Variants in USP24 observed in about 807,000 individuals in gnomAD.
The protein encoded by USP24 is ubiquitin specific peptidase 24, also known as ubiquitin carboxyl-terminal hydrolase 24.
Under a neutral mutation model 361.6 loss-of-function variants are expected in USP24, and 97 were observed. That is an observed-to-expected ratio of 0.27 (90% CI 0.23 to 0.32). The LOEUF (loss-of-function observed/expected upper bound fraction) is 0.32. Ranked by LOEUF, USP24 falls within the 10% of genes least tolerant of loss-of-function variation. The pLI, the probability that USP24 is intolerant of heterozygous loss-of-function variation, is 1.00. For synonymous variants in USP24, 1,098 were observed against 1,124.6 expected (o/e 0.98, Z 0.47); for missense variants, 2,353 against 3,165.6 (o/e 0.74, Z 6.16).
chr1:55,163,362 C>T (rs2100772227), intron 7 of USP24, among the ~76,000 whole-genome samples: 1 of 151,798 alleles, frequency 6.6e-6, no homozygotes, highest in Admixed American at 6.6e-5. Flanking sequence ...AAAAGATTTA[C>T]AAATATGCAA....
intron 36 of USP24, among the ~76,000 whole-genome samples, chr1:55,122,407 G>GTCCACCCCCTT (rs1646308298): frequency 6.6e-6 from 1 of 152,120 alleles, no homozygotes; most frequent in Admixed American, 6.5e-5. Flanking sequence ...AGTATCAAGT[G>GTCCACCCCCTT]GTACACAGTG....
At chr1:55,191,014 T>C (rs1644271326) in intron 1 of USP24, among the ~76,000 whole-genome samples, 1 of 152,220 alleles carries the variant, frequency 6.6e-6, no homozygotes, top group Admixed American at 6.5e-5. Flanking sequence ...AAAATAATTT[T>C]TATAAAATAT....
chr1:55,086,538 C>T (rs1052200941), intron 55 of USP24: 1 of 156,714 alleles, frequency 6.4e-6, no homozygotes, highest in Admixed American at 6.2e-5. Flanking sequence ...CTCACTGGAT[C>T]CTGATTTGTG....
At chr1:55,203,474 A>C (rs1644629617) in intron 1 of USP24, among the ~76,000 whole-genome samples, 1 of 152,218 alleles carries the variant, frequency 6.6e-6, no homozygotes, top group African/African-American at 2.4e-5. Flanking sequence ...TAAAGTTTCA[A>C]CTGCTAGTTC....
At chr1:55,123,311 G>T in intron 36 of USP24, 136 bp downstream of exon 36, 1 of 986,994 alleles carries the variant, frequency 1.0e-6, no homozygotes, top group Non-Finnish European at 1.4e-6. Flanking sequence ...ATTATTCTTA[G>T]CTACGCCACA....
intron 18 of USP24, 128 bp downstream of exon 18, chr1:55,147,521 C>T: frequency 1.0e-6 from 1 of 965,042 alleles, no homozygotes; most frequent in Non-Finnish European, 1.4e-6. Context: ...AAAACTGTTC[C>T]CTCACTACAA....
At chr1:55,211,629 T>C (rs1234197040) in intron 1 of USP24, among the ~76,000 whole-genome samples, 1 of 152,170 alleles carries the variant, frequency 6.6e-6, no homozygotes, top group Non-Finnish European at 1.5e-5. Context: ...CTACATGACC[T>C]TGGACAGTCT....
intron 58 of USP24, among the ~76,000 whole-genome samples, chr1:55,081,934 T>C (rs1167461452): frequency 2.0e-5 from 3 of 152,248 alleles, no homozygotes; most frequent in African/African-American, 4.8e-5. Flanking sequence ...TACATGCAGC[T>C]GAATTATAGT....
rs974602655 is a variant in USP24 at position 55,166,583 on chromosome 1, C to T, written c.846G>A (p.Val282=). Residue 282 remains valine, a synonymous_variant, in exon 6 of 68, where the codon GTG becomes GTA. Transcript: ENST00000294383. Reference sequence around the variant, plus strand: ...AGTCATATACCTTATTTACCAAATCCACAACCCATCCATGAGGCTCCTATG... The same window carrying T: ...AGTCATATACCTTATTTACCAAATCTACAACCCATCCATGAGGCTCCTATG... ...TFQKEPHGWV[V]DLVNKFGELG... 5 of 1,593,322 alleles carry T rather than the reference C, an allele frequency of 3.1e-6. No homozygotes were observed. In the East Asian group the frequency reaches 6.8e-5, roughly 22 times the overall value.
At chr1:55,153,673 T>A (rs1239522019) in intron 16 of USP24, among the ~76,000 whole-genome samples, 197 bp downstream of exon 16, 1 of 151,992 alleles carries the variant, frequency 6.6e-6, no homozygotes, top group Non-Finnish European at 1.5e-5. Context: ...TGATCCTAGA[T>A]TTTTTTTCCC....
In USP24 at chr1:55,077,548, G is replaced by C. The variant is rs145670779; in HGVS notation, c.7315-248C>G. Among the ~76,000 whole-genome samples, 8 of 152,300 alleles carry C rather than the reference G, an allele frequency of 5.3e-5. No homozygotes were observed. In the East Asian group the frequency reaches 1.3e-3, roughly 26 times the overall value. On this transcript the variant is annotated intron_variant, in intron 61 of 67. Coordinates refer to ENST00000294383, the MANE Select transcript of USP24 (RefSeq NM_015306.3). ...TAGGAAGGAGAAAAGAAAAGAAAGA[G>C]TAGGGGAGATTTCAAGTCACTAAAC...
intron 62 of USP24, 48 bp downstream of exon 62, chr1:55,077,187 G>T: frequency 7.2e-7 from 1 of 1,391,696 alleles, no homozygotes; most frequent in South Asian, 1.6e-5. Flanking sequence ...AACACTTGTT[G>T]ACTAATACAT....
intron 4 of USP24, 55 bp downstream of exon 4, chr1:55,172,322 C>T: frequency 6.9e-7 from 1 of 1,448,556 alleles, no homozygotes; most frequent in South Asian, 1.5e-5. Flanking sequence ...CAGAGAACAG[C>T]AAGTATTTTA....
chr1:55,161,454 T>C (rs755963431), intron 8 of USP24, among the ~76,000 whole-genome samples: 1 of 151,972 alleles, frequency 6.6e-6, no homozygotes, highest in Non-Finnish European at 1.5e-5. Context: ...ATCTCCCTTA[T>C]TAAAATGGCC....
intron 35 of USP24, 31 bp from the exon 36 acceptor site, chr1:55,123,633 G>T: frequency 6.4e-7 from 1 of 1,558,462 alleles, no homozygotes; most frequent in Non-Finnish European, 8.7e-7. Flanking sequence ...ATTTACTGTG[G>T]ATCCTACAGG....
rs1362601513 is a variant in USP24 at position 55,215,043 on chromosome 1, C to T, written c.71G>A (p.Arg24His). ...GTTCTTGGCCAGGCGCAGGGCCTTGCGGATGGTGGCGGGGTCTGAGAAGCC... is the reference window on the plus strand; with the variant it reads ...GTTCTTGGCCAGGCGCAGGGCCTTGTGGATGGTGGCGGGGTCTGAGAAGCC... The part of the protein sequence containing the change: ...CMGFSDPATI[R>H]KALRLAKNDI... Residue 24 changes from arginine to histidine, a missense_variant, in exon 1 of 68, where the codon CGC (arginine) becomes CAC (histidine). Physicochemically the swap from Arg to His is conservative, Grantham distance 29. This residue lies in a region of USP24 where 253 missense variants were observed against 255.3 expected (regional missense o/e 0.99). Coordinates refer to ENST00000294383, the MANE Select transcript of USP24 (RefSeq NM_015306.3). The T allele has an allele frequency of 3.4e-6, 5 of 1,468,412 alleles. No individual in the cohort carries two copies. The highest frequency in any genetic ancestry group is 4.5e-6 in the Non-Finnish European group (5 of 1,107,430). 91.0% of individuals were successfully genotyped at this position (1,468,412 alleles called of 1,614,324 possible). A position where few individuals can be genotyped will look rare whatever the true frequency, so the allele number is the denominator to read the frequency against.
Position 55,178,125 on chromosome 1 carries a change from T to C in USP24, c.332A>G (p.Asp111Gly), listed in dbSNP as rs1157661860. 2 of 1,549,748 alleles carry C rather than the reference T, an allele frequency of 1.3e-6. No individual in the cohort carries two copies. The highest frequency in any genetic ancestry group is 2.4e-5 in the South Asian group (2 of 83,796). The change falls in exon 2 of 68, where the codon GAT becomes GGT. Residue 111 changes from aspartate (D) to glycine (G), a missense_variant. Asp to Gly is a moderately conservative substitution (Grantham distance 94, BLOSUM62 -1). Around this residue, in one of 8 missense-constraint regions of USP24, gnomAD observed 253 missense variants for 255.3 expected, o/e 0.99. Coordinates refer to ENST00000294383, the MANE Select transcript of USP24 (RefSeq NM_015306.3). ...YHEVVDAEKN[D>G]ENGNCSGEGI... is the part of the protein sequence containing the mutation. Reference sequence around the variant, plus strand: ...TTCCCCTGAGCAGTTTCCATTCTCATCATTCTTCTGACGAAAAGGGATTAA... The same window carrying C: ...TTCCCCTGAGCAGTTTCCATTCTCACCATTCTTCTGACGAAAAGGGATTAA...
chr1:55,178,934 T>C (rs1242469114), intron 1 of USP24, among the ~76,000 whole-genome samples: 1 of 152,074 alleles, frequency 6.6e-6, no homozygotes, highest in Non-Finnish European at 1.5e-5. Flanking sequence ...TATCAAATGC[T>C]TGCCTTCATC....
chr1:55,110,617 A>C (rs1198716607), intron 38 of USP24, among the ~76,000 whole-genome samples: 2 of 152,198 alleles, frequency 1.3e-5, no homozygotes, highest in Non-Finnish European at 2.9e-5. Flanking sequence ...TTAAGAAGGG[A>C]GACAAACAAC....
Sources: gnomAD v4.1 joint callset for allele counts (sites outside exome capture counted in the v4.1 genomes callset) on GRCh38, gnomAD v4.1.1 for gene constraint, gnomAD v4.1.1 regional missense constraint, MANE v1.5 for transcripts, NCBI Gene and HGNC (gene_info 2026-07-23, HGNC 2026-07-21) for gene names.